The following ADAM9 variants were observed in gnomAD, a reference collection of about 807,000 sequenced individuals.
ADAM9 encodes the protein disintegrin and metalloproteinase domain-containing protein 9.
In ADAM9, 54 loss-of-function variants were observed where a neutral mutation model predicts 108.1. That is an observed-to-expected ratio of 0.50 (90% CI 0.40 to 0.63). The LOEUF (loss-of-function observed/expected upper bound fraction) is 0.63. Ranked by LOEUF, ADAM9 falls within the 20% of genes least tolerant of loss-of-function variation. ADAM9 has a pLI of 0.00. For synonymous variants in ADAM9, 316 were observed against 336.0 expected (o/e 0.94, Z 0.65); for missense variants, 830 against 997.7 (o/e 0.83, Z 2.26).
At chr8:39,029,687 T>A (rs113316633) in intron 11 of ADAM9, among the ~76,000 whole-genome samples, 119 of 152,348 alleles carry the variant, frequency 7.8e-4, no homozygotes, top group African/African-American at 2.8e-3. Context: ...TGTTAATACA[T>A]TTTTGTGTGT....
At chr8:39,041,804 T>C (rs1022373251) in intron 11 of ADAM9, 142 bp from the exon 12 acceptor site, 5 of 708,788 alleles carry the variant, frequency 7.1e-6, no homozygotes, top group South Asian at 5.3e-5. Flanking sequence ...CAAGTAGATA[T>C]GAATTCTCAT....
At chr8:39,086,986 T>C (rs548463074) in intron 18 of ADAM9, among the ~76,000 whole-genome samples, 1 of 152,174 alleles carries the variant, frequency 6.6e-6, no homozygotes, top group African/African-American at 2.4e-5. Flanking sequence ...TCTTTTCACA[T>C]GGTTCTTTCT....
Position 39,028,701 on chromosome 8 carries a change from A to T in ADAM9, c.1130+1891A>T, listed in dbSNP as rs140042229. Among the ~76,000 whole-genome samples, 84 of 152,330 alleles carry T rather than the reference A, an allele frequency of 5.5e-4. 1 individual carries two copies. In the East Asian group the frequency reaches 0.016, roughly 29 times the overall value. ...GCCAGACTTTGTTCTCAGCACTTGGAATACCTCAGTGAGTTAGATCGACTC... is the reference window on the plus strand; with the variant it reads ...GCCAGACTTTGTTCTCAGCACTTGGTATACCTCAGTGAGTTAGATCGACTC... On this transcript the variant is annotated intron_variant, in intron 11 of 21. Transcript: ENST00000487273.
At chr8:39,041,925 T>G in intron 11 of ADAM9, 21 bp from the exon 12 acceptor site, 1 of 1,611,946 alleles carries the variant, frequency 6.2e-7, no homozygotes, top group East Asian at 2.2e-5. Context: ...ACATAGATCT[T>G]TTTCTTAATG....
At chr8:39,077,193 G>A (rs778637627) in intron 15 of ADAM9, 35 bp from the exon 16 acceptor site, 4 of 1,609,414 alleles carry the variant, frequency 2.5e-6, no homozygotes, top group Admixed American at 3.3e-5. Context: ...TATACTGGAT[G>A]CATTTTATGT....
At chr8:39,042,695 A>G (rs1403064819) in intron 12 of ADAM9, among the ~76,000 whole-genome samples, 1 of 152,154 alleles carries the variant, frequency 6.6e-6, no homozygotes, top group East Asian at 1.9e-4. Flanking sequence ...TCATTTATAT[A>G]CAGTATACAG....
At chr8:39,098,918 T>C (rs1839594278) in intron 20 of ADAM9, among the ~76,000 whole-genome samples, 1 of 152,264 alleles carries the variant, frequency 6.6e-6, no homozygotes, top group East Asian at 1.9e-4. Flanking sequence ...CTTGGGGGCA[T>C]GGTCAATCTT....
chr8:39,017,200 C>T lies in ADAM9; in HGVS notation c.411-19C>T, dbSNP rs771842708. Reference sequence around the variant, plus strand: ...TTTTCTTTTTCTTAAAATTTGTATACGTGTAATGCAACATTCAGAGGATTG... The same window carrying T: ...TTTTCTTTTTCTTAAAATTTGTATATGTGTAATGCAACATTCAGAGGATTG... On this transcript the variant is annotated intron_variant, in intron 5 of 21. Transcript: ENST00000487273. 116 of 1,613,356 alleles carry T rather than the reference C, an allele frequency of 7.2e-5. No individual in the cohort carries two copies. Among genetic ancestry groups the T allele is most frequent in the Admixed American group, 1.2e-4 (7 of 59,966 alleles).
At chr8:39,005,986 G>A (rs1470006417) in intron 1 of ADAM9, among the ~76,000 whole-genome samples, 7 of 152,332 alleles carry the variant, frequency 4.6e-5, no homozygotes, top group Middle Eastern at 6.8e-3. Context: ...ACAGGTATGA[G>A]TTGGGTAAAT....
intron 1 of ADAM9, among the ~76,000 whole-genome samples, chr8:38,999,391 G>A (rs1281191511): frequency 6.6e-6 from 1 of 151,294 alleles, no homozygotes; most frequent in Non-Finnish European, 1.5e-5. Flanking sequence ...GCGGAATCAG[G>A]TATGAAACCT....
chr8:39,069,107 A>G (rs1188120901), intron 14 of ADAM9, among the ~76,000 whole-genome samples: 1 of 152,100 alleles, frequency 6.6e-6, no homozygotes, highest in Non-Finnish European at 1.5e-5. Flanking sequence ...AAAAGGGTTG[A>G]TCTCAGTTTT....
At chr8:39,003,459 A>G (rs1158942437) in intron 1 of ADAM9, among the ~76,000 whole-genome samples, 1 of 147,846 alleles carries the variant, frequency 6.8e-6, no homozygotes, top group East Asian at 2.0e-4. Context: ...TTTGGTTCCC[A>G]TGAGAAACTG....
Position 39,042,085 on chromosome 8 carries a change from G to C in ADAM9, c.1270G>C (p.Ala424Pro). The C allele has an allele frequency of 6.2e-7, 1 of 1,614,060 alleles. No homozygotes were observed. Among genetic ancestry groups the C allele is most frequent in the Non-Finnish European group, 8.5e-7 (1 of 1,179,908 alleles). ...APSCGNKLVDAGEECDCGTPK... is the reference protein window; with the variant it reads ...APSCGNKLVDPGEECDCGTPK... The stretch of plus-strand genomic sequence containing the variant: ...CTCCTGTGGTAATAAGTTGGTGGAC[G>C]CTGGGGAAGAGTGTGACTGTGGTAC... The change falls in exon 12 of 22, where the codon GCT becomes CCT. Residue 424 changes from alanine (A) to proline (P), a missense_variant. By Grantham distance (27) the Ala-to-Pro change is conservative. This residue lies in a region of ADAM9 where 381 missense variants were observed against 539.8 expected (regional missense o/e 0.71). Coordinates refer to ENST00000487273, the MANE Select transcript of ADAM9 (RefSeq NM_003816.3).
intron 20 of ADAM9, among the ~76,000 whole-genome samples, chr8:39,094,789 T>C (rs1839450909): frequency 6.6e-6 from 1 of 152,122 alleles, no homozygotes; most frequent in South Asian, 2.1e-4. Flanking sequence ...CTGATTTTGA[T>C]TCCTCTTTCT....
intron 9 of ADAM9, among the ~76,000 whole-genome samples, chr8:39,024,285 C>T (rs1482306741): frequency 2.0e-5 from 3 of 152,108 alleles, no homozygotes; most frequent in African/African-American, 7.2e-5. Flanking sequence ...GCTCACACAT[C>T]CTCGTACCAG....
intron 1 of ADAM9, 134 bp downstream of exon 1, chr8:38,997,294 C>G (rs899747392): frequency 9.4e-7 from 1 of 1,065,538 alleles, no homozygotes; most frequent in Non-Finnish European, 1.4e-6. Flanking sequence ...CGCGGCCGCT[C>G]CAGGTGTGTG....
chr8:39,094,668 A>T (rs1839446309), intron 20 of ADAM9, among the ~76,000 whole-genome samples: 1 of 152,016 alleles, frequency 6.6e-6, no homozygotes, highest in Admixed American at 6.6e-5. Context: ...GTATGTTTCT[A>T]GGAATTTATT....
At chr8:39,035,807 ACT>A (rs1328254131) in intron 11 of ADAM9, among the ~76,000 whole-genome samples, 6 of 152,064 alleles carry the variant, frequency 3.9e-5, no homozygotes, top group Non-Finnish European at 5.9e-5. Flanking sequence ...ACAGAGCGAG[ACT>A]CTGTCTCAAA....
Position 39,024,742 on chromosome 8 carries a change from T to C in ADAM9, c.915-1061T>C, listed in dbSNP as rs888392094. ...AATTCCTGCTCTCATGGAGTCCATGTTCTGGTGGAGGAGATTGGCTATACA... is the reference window on the plus strand; with the variant it reads ...AATTCCTGCTCTCATGGAGTCCATGCTCTGGTGGAGGAGATTGGCTATACA... On this transcript the variant is annotated intron_variant, in intron 9 of 21. Transcript: ENST00000487273. 1.2e-4 allele frequency among the ~76,000 whole-genome samples: 19 copies of C among 152,198 alleles called. 1 individual carries two copies.
Sources: allele counts gnomAD v4.1 joint callset (sites outside exome capture counted in the v4.1 genomes callset), GRCh38; gene constraint gnomAD v4.1.1; regional missense constraint gnomAD v4.1.1; transcripts MANE v1.5; gene names NCBI Gene and HGNC (gene_info 2026-07-23, HGNC 2026-07-21).